The following PTCSC3 variants were observed in gnomAD, a reference collection of about 807,000 sequenced individuals.
The protein encoded by PTCSC3 is papillary thyroid carcinoma susceptibility candidate 3 (non-protein coding).
At chr14:36,148,207 G>T (rs567056190) in intron 3 of PTCSC3, among the ~76,000 whole-genome samples, 3 of 152,038 alleles carry the variant, frequency 2.0e-5, no homozygotes, top group African/African-American at 7.3e-5. Context: ...TGAGCTTCCC[G>T]GCTGCTTTGT....
downstream of PTCSC3, among the ~76,000 whole-genome samples, chr14:36,135,666 G>C (rs1266146783): frequency 1.3e-5 from 2 of 152,136 alleles, no homozygotes; most frequent in Non-Finnish European, 2.9e-5. Context: ...GGATAATGAA[G>C]GTGGTGCTGA....
chr14:36,167,490 T>G lies in PTCSC3; in HGVS notation n.172-4807A>C, dbSNP rs575067070. On this transcript the variant is annotated intron_variant and non_coding_transcript_variant, in intron 1 of 3. Transcript: ENST00000556013. ...TAACTTCTGTATCAAATGCTCTGAG[T>G]AGGTTGGCTTCGATAGTCATGTTCA... Among the ~76,000 whole-genome samples, 93 of 152,290 alleles carry G rather than the reference T, an allele frequency of 6.1e-4. 1 individual carries two copies. The South Asian group carries it at 0.011, about 18-fold the overall frequency.
intron 2 of PTCSC3, among the ~76,000 whole-genome samples, chr14:36,156,747 C>A (rs961525768): frequency 6.6e-6 from 1 of 152,078 alleles, no homozygotes; most frequent in African/African-American, 2.4e-5. Context: ...ATGAACTCAT[C>A]CCTTTTTATG....
chr14:36,165,801 G>A (rs1249713714), intron 1 of PTCSC3, among the ~76,000 whole-genome samples: 2 of 150,502 alleles, frequency 1.3e-5, no homozygotes, highest in African/African-American at 4.9e-5. Flanking sequence ...TAATGATTTA[G>A]GGCAGTAGAA....
At chr14:36,142,533 T>A (rs1204740084) in intron 3 of PTCSC3, among the ~76,000 whole-genome samples, 3 of 152,262 alleles carry the variant, frequency 2.0e-5, no homozygotes, top group African/African-American at 7.2e-5. Flanking sequence ...TTCTGTTTTC[T>A]GGAAGAGATT....
intron 3 of PTCSC3, among the ~76,000 whole-genome samples, chr14:36,146,448 G>T (rs1487203514): frequency 6.6e-6 from 1 of 150,942 alleles, no homozygotes; most frequent in Non-Finnish European, 1.5e-5. Flanking sequence ...ATCTTTGTTG[G>T]TTTAAAGTCT....
At chr14:36,139,144 ATGCAT>A (rs1881362148) in intron 3 of PTCSC3, among the ~76,000 whole-genome samples, 1 of 126,674 alleles carries the variant, frequency 7.9e-6, no homozygotes, top group African/African-American at 3.1e-5. Context: ...AAAAAAAGAA[ATGCAT>A]ATATGTCCAT....
At chr14:36,152,069 CAAACTCTTTA>C (rs55943402) in intron 3 of PTCSC3, among the ~76,000 whole-genome samples, 90,912 of 151,330 alleles carry the variant, frequency 0.6, 27,856 homozygotes, top group Non-Finnish European at 0.67. Context: ...TGATGACTTG[CAAACTCTTTA>C]AAACTCTTTA....
chr14:36,139,879 G>A (rs770727284), intron 3 of PTCSC3, among the ~76,000 whole-genome samples: 40 of 152,128 alleles, frequency 2.6e-4, no homozygotes, highest in Non-Finnish European at 1.3e-4. Context: ...TCTTTGTGCT[G>A]TATAGTTCTG....
At chr14:36,141,892 G>A (rs1225285460) in intron 3 of PTCSC3, among the ~76,000 whole-genome samples, 9 of 152,142 alleles carry the variant, frequency 5.9e-5, no homozygotes, top group Admixed American at 5.2e-4. Context: ...ATTGTGTCAT[G>A]CAATCTTGCT....
chr14:36,157,518 T>C (rs533969124), intron 2 of PTCSC3, among the ~76,000 whole-genome samples: 7 of 152,160 alleles, frequency 4.6e-5, no homozygotes, highest in African/African-American at 1.7e-4. Flanking sequence ...TTTTCTAGCA[T>C]TTTTATGGTT....
At chr14:36,148,458 C>G (rs143150592) in intron 3 of PTCSC3, among the ~76,000 whole-genome samples, 11 of 152,238 alleles carry the variant, frequency 7.2e-5, no homozygotes, top group South Asian at 4.2e-4. Context: ...TTCTTTGACT[C>G]GGAAAGGGAA....
At chr14:36,174,720 CTG>C (rs1009195782) in intron 1 of PTCSC3, among the ~76,000 whole-genome samples, 1 of 152,164 alleles carries the variant, frequency 6.6e-6, no homozygotes, top group African/African-American at 2.4e-5. Flanking sequence ...ACTTTCCAAA[CTG>C]TGTCTCCTGT....
At chr14:36,152,482 A>C (rs982011861) in intron 3 of PTCSC3, among the ~76,000 whole-genome samples, 1 of 152,020 alleles carries the variant, frequency 6.6e-6, no homozygotes, top group African/African-American at 2.4e-5. Flanking sequence ...GCATCAAAAT[A>C]GTGAAAATAA....
intron 3 of PTCSC3, among the ~76,000 whole-genome samples, chr14:36,139,119 TAA>T (rs370864635): frequency 1.7e-3 from 186 of 106,576 alleles, no homozygotes; most frequent in Middle Eastern, 5.3e-3. Flanking sequence ...ATCTCAAAAA[TAA>T]AAAAAAAAAA....
intron 3 of PTCSC3, among the ~76,000 whole-genome samples, chr14:36,153,011 A>T (rs546926886): frequency 6.6e-6 from 1 of 152,318 alleles, no homozygotes; most frequent in Non-Finnish European, 1.5e-5. Flanking sequence ...ATAGCAGAAT[A>T]CCATAGACTA....
chr14:36,162,258 G>GGAAAAAAAAA (rs1295535297), intron 2 of PTCSC3, among the ~76,000 whole-genome samples: 1 of 106,554 alleles, frequency 9.4e-6, no homozygotes, highest in African/African-American at 4.8e-5. Flanking sequence ...CTGGGGTATG[G>GGAAAAAAAAA]AAAAAAAAAA....
Position 36,136,542 on chromosome 14 carries a change from T to C in PTCSC3, n.323-186A>G, listed in dbSNP as rs58474460. Among the ~76,000 whole-genome samples, 370 of 152,084 alleles carry C rather than the reference T, an allele frequency of 2.4e-3. 4 individuals are homozygous for C. Among genetic ancestry groups the C allele is most frequent in the African/African-American group, 8.4e-3 (350 of 41,468 alleles). ...AGAGAGAGGGTAGCCAGTTTCAGGGTTCAGGTGGGGATGGTTGGAAGAAGA... is the reference window on the plus strand; with the variant it reads ...AGAGAGAGGGTAGCCAGTTTCAGGGCTCAGGTGGGGATGGTTGGAAGAAGA... On this transcript the variant is annotated intron_variant and non_coding_transcript_variant, in intron 3 of 3. Coordinates refer to ENST00000556013, the Ensembl canonical transcript of PTCSC3.
chr14:36,151,746 G>T (rs1881729396), intron 3 of PTCSC3, among the ~76,000 whole-genome samples: 1 of 152,162 alleles, frequency 6.6e-6, no homozygotes, highest in African/African-American at 2.4e-5. Context: ...GTCAGATAAG[G>T]CTGTGGTAGT....
Sources: allele counts gnomAD v4.1 joint callset (sites outside exome capture counted in the v4.1 genomes callset), GRCh38; gene constraint gnomAD v4.1.1; transcripts MANE v1.5; gene names NCBI Gene and HGNC (gene_info 2026-07-23, HGNC 2026-07-21).